MAP2K5: variants seen among roughly 807,000 people sequenced by gnomAD.
The protein encoded by MAP2K5 is dual specificity mitogen-activated protein kinase kinase 5.
MAP2K5 carries 49 observed loss-of-function variants against 83.1 expected under a neutral mutation model. The ratio of observed to expected loss-of-function variants is 0.59; its 90% CI spans 0.47 to 0.75. The LOEUF (loss-of-function observed/expected upper bound fraction) is 0.75. Among genes scored for constraint, MAP2K5 ranks in the 30% least tolerant of loss-of-function variants. The pLI is 0.00. For synonymous variants in MAP2K5, 202 were observed against 191.8 expected (o/e 1.05, Z -0.44); for missense variants, 457 against 557.5 (o/e 0.82, Z 1.82).
At chr15:67,582,209 G>A (rs1055473563) in intron 4 of MAP2K5, among the ~76,000 whole-genome samples, 14 of 151,798 alleles carry the variant, frequency 9.2e-5, no homozygotes, top group Admixed American at 2.0e-4. Flanking sequence ...TTACAGGCTC[G>A]TGTCACCACA....
At chr15:67,712,166 C>A (rs1244167083) in intron 16 of MAP2K5, among the ~76,000 whole-genome samples, 1 of 152,194 alleles carries the variant, frequency 6.6e-6, no homozygotes, top group East Asian at 1.9e-4. Context: ...AGACCTCCCA[C>A]CCTGTTCCTA....
At chr15:67,590,044 A>G (rs764092209) in intron 6 of MAP2K5, among the ~76,000 whole-genome samples, 2 of 152,118 alleles carry the variant, frequency 1.3e-5, no homozygotes, top group Non-Finnish European at 2.9e-5. Flanking sequence ...TATTTTTTCC[A>G]TATATGTTTC....
At chr15:67,651,214 AAAAT>A (rs918394914) in intron 11 of MAP2K5, among the ~76,000 whole-genome samples, 6 of 152,216 alleles carry the variant, frequency 3.9e-5, no homozygotes, top group Admixed American at 1.3e-4. Flanking sequence ...ACTCTGTCTC[AAAAT>A]AAATAAATCA....
Position 67,778,116 on chromosome 15 carries a change from T to C in MAP2K5, c.1242+5364T>C, listed in dbSNP as rs2090269716. On this transcript the variant is annotated intron_variant, in intron 21 of 21. Transcript: ENST00000178640. This position sits in a 1 kb window ranked among gnomAD's most constrained non-coding sequence, Gnocchi z 5.0. The stretch of plus-strand genomic sequence containing the variant: ...AGAGGTGGTAATGTTTGGGGGCTAA[T>C]AAACACCAAACTGCTCTAGAAAAAT... Among the ~76,000 whole-genome samples, 1 of 152,218 alleles carries C rather than the reference T, an allele frequency of 6.6e-6. No individual in the cohort carries two copies. The highest frequency in any genetic ancestry group is 1.5e-5 in the Non-Finnish European group (1 of 68,030).
At chr15:67,660,999 C>T (rs1483293469) in intron 12 of MAP2K5, among the ~76,000 whole-genome samples, 2 of 150,028 alleles carry the variant, frequency 1.3e-5, no homozygotes, top group Non-Finnish European at 3.0e-5. Context: ...TTAGGTATCT[C>T]TCTTTTCCCA....
chr15:67,793,957 A>C lies in MAP2K5; in HGVS notation c.1243-12689A>C, dbSNP rs759853910. ...AAACCGCTCCACACATCCATAGTGA[A>C]TCTTATTGAATTAAAGACCCTTGGT... On this transcript the variant is annotated intron_variant, in intron 21 of 21. Transcript: ENST00000178640. The surrounding 1 kb of genome is among the most constrained non-coding windows in gnomAD (Gnocchi z 4.6). Among the ~76,000 whole-genome samples the C allele has an allele frequency of 6.6e-6, 1 of 152,238 alleles. No homozygotes were observed. Among genetic ancestry groups the C allele is most frequent in the African/African-American group, 2.4e-5 (1 of 41,464 alleles).
chr15:67,711,468 A>G (rs2088690401), intron 16 of MAP2K5, among the ~76,000 whole-genome samples: 1 of 152,218 alleles, frequency 6.6e-6, no homozygotes, highest in Non-Finnish European at 1.5e-5. Context: ...TGGGAGATCT[A>G]TTTCAGAGCT....
chr15:67,772,938 C>G (rs565396195), intron 21 of MAP2K5, among the ~76,000 whole-genome samples, 186 bp downstream of exon 21: 1 of 152,220 alleles, frequency 6.6e-6, no homozygotes, highest in Non-Finnish European at 1.5e-5. Flanking sequence ...TTTTAAAAAC[C>G]CACCACCTTT....
Position 67,673,072 on chromosome 15 carries a change from G to T in MAP2K5, c.847+8427G>T, listed in dbSNP as rs184688089. On this transcript the variant is annotated intron_variant, in intron 13 of 21. Transcript: ENST00000178640. ...CTGTTTTGTTTACTGTAGCCTTGTAGTATAGTTTGAAGTCAGGTAGCATGA... is the reference window on the plus strand; with the variant it reads ...CTGTTTTGTTTACTGTAGCCTTGTATTATAGTTTGAAGTCAGGTAGCATGA... 1.4e-3 allele frequency among the ~76,000 whole-genome samples: 206 copies of T among 152,284 alleles called. 5 individuals are homozygous for T. The East Asian group carries it at 0.035, about 26-fold the overall frequency.
rs555602558 is a variant in MAP2K5 at position 67,612,124 on chromosome 15, T to G, written c.545+11375T>G. On this transcript the variant is annotated intron_variant, in intron 8 of 21. Coordinates refer to ENST00000178640, the MANE Select transcript of MAP2K5 (RefSeq NM_145160.3). ...ATGATTTTGTGAGTTAGTTTATGAGTGTATTTAAATCATTTCTGGAATCTA... is the reference window on the plus strand; with the variant it reads ...ATGATTTTGTGAGTTAGTTTATGAGGGTATTTAAATCATTTCTGGAATCTA... Among the ~76,000 whole-genome samples the G allele has an allele frequency of 1.1e-4, 16 of 151,248 alleles. 1 individual carries two copies. In the South Asian group the frequency reaches 3.3e-3, roughly 32 times the overall value.
intron 2 of MAP2K5, among the ~76,000 whole-genome samples, chr15:67,551,263 G>A (rs1435437247): frequency 1.3e-5 from 2 of 152,200 alleles, no homozygotes; most frequent in Non-Finnish European, 1.5e-5. Flanking sequence ...CTGTCAGGAA[G>A]CAGTTCAACA....
At chr15:67,570,933 G>A (rs896368152) in intron 3 of MAP2K5, among the ~76,000 whole-genome samples, 2 of 152,170 alleles carry the variant, frequency 1.3e-5, no homozygotes, top group Non-Finnish European at 2.9e-5. Context: ...TTGTCTGTTA[G>A]GCATGCTAAG....
At chr15:67,647,623 C>T (rs1172654452) in intron 11 of MAP2K5, among the ~76,000 whole-genome samples, 2 of 151,880 alleles carry the variant, frequency 1.3e-5, no homozygotes, top group Admixed American at 6.6e-5. Flanking sequence ...CGGTGGCTTA[C>T]TCCTGTAATC....
chr15:67,664,640 AT>A lies in MAP2K5; in HGVS notation c.843del (p.His281GlnfsTer4). The A allele has an allele frequency of 6.2e-7, 1 of 1,602,980 alleles. No individual in the cohort carries two copies. Among genetic ancestry groups the A allele is most frequent in the Non-Finnish European group, 8.5e-7 (1 of 1,170,168 alleles). ...TATTTGTGGAGTTTAAAGATTTTAC[AT>A]AGAGGTATGTGCTGGGCTTATAAGC... ...LTYLWSLKIL[H>X]RDVKPSNMLV... On this transcript the variant is annotated frameshift_variant, in exon 13 of 22. Transcript: ENST00000178640. LOFTEE classifies it high-confidence loss of function.
At chr15:67,564,169 G>C (rs1265466317) in intron 3 of MAP2K5, among the ~76,000 whole-genome samples, 1 of 152,174 alleles carries the variant, frequency 6.6e-6, no homozygotes, top group Non-Finnish European at 1.5e-5. Flanking sequence ...TGGTTTCTTG[G>C]CCCTAGGCAA....
At chr15:67,576,975 C>A (rs948727367) in intron 3 of MAP2K5, among the ~76,000 whole-genome samples, 3 of 139,890 alleles carry the variant, frequency 2.1e-5, no homozygotes, top group Non-Finnish European at 3.1e-5. Context: ...GTCGCCCAGG[C>A]CGGACTGCGG....
chr15:67,609,554 TGTAGATTCTGTAG>T (rs2141041896), intron 8 of MAP2K5, among the ~76,000 whole-genome samples: 1 of 49,108 alleles, frequency 2.0e-5, no homozygotes, highest in South Asian at 1.2e-3. Context: ...TCTATAGGTC[TGTAGATTCTGTAG>T]ACCTATTCTA....
chr15:67,586,032 C>G (rs897991340), intron 5 of MAP2K5, 102 bp downstream of exon 5: 1 of 1,043,554 alleles, frequency 9.6e-7, no homozygotes, highest in African/African-American at 1.6e-5. Context: ...CAAGCTCTGA[C>G]AAGCGATCCT....
rs116200200 is a variant in MAP2K5 at position 67,637,650 on chromosome 15, T to A, written c.585+6723T>A. On this transcript the variant is annotated intron_variant, in intron 9 of 21. Transcript: ENST00000178640. The surrounding 1 kb of genome is among the most constrained non-coding windows in gnomAD (Gnocchi z 4.5). Reference sequence around the variant, plus strand: ...GACTCCAGGACCCCCTCGGCAGACCTCTGGAGCTCTCTCCCTCAGGTCCTC... The same window carrying A: ...GACTCCAGGACCCCCTCGGCAGACCACTGGAGCTCTCTCCCTCAGGTCCTC... Among the ~76,000 whole-genome samples the A allele has an allele frequency of 4.6e-3, 695 of 152,286 alleles. 5 individuals carry two copies. Among genetic ancestry groups the A allele is most frequent in the African/African-American group, 0.016 (670 of 41,550 alleles).
Sources: gnomAD v4.1 joint callset for allele counts (sites outside exome capture counted in the v4.1 genomes callset) on GRCh38, gnomAD v4.1.1 for gene constraint, Gnocchi (gnomAD v3.1) non-coding constraint, MANE v1.5 for transcripts, NCBI Gene and HGNC (gene_info 2026-07-23, HGNC 2026-07-21) for gene names.